ESYT2: variants seen among roughly 807,000 people sequenced by gnomAD.
The protein encoded by ESYT2 is extended synaptotagmin 2, also known as extended synaptotagmin-2.
In ESYT2, 54 loss-of-function variants were observed where a neutral mutation model predicts 107.2. That is an observed-to-expected ratio of 0.50 (90% CI 0.40 to 0.63). ESYT2 has a LOEUF of 0.63. Among genes scored for constraint, ESYT2 ranks in the 30% least tolerant of loss-of-function variants. The pLI is 0.00. For missense variants in ESYT2, 1,020 were observed against 1,094.5 expected (o/e 0.93, Z 0.96); for synonymous variants, 491 against 434.1 (o/e 1.13, Z -1.63).
chr7:158,767,717 A>G lies in ESYT2; in HGVS notation c.861T>C (p.Asn287=). 1 of 1,613,324 alleles carries G rather than the reference A, an allele frequency of 6.2e-7. No homozygotes were observed. The highest frequency in any genetic ancestry group is 8.5e-7 in the Non-Finnish European group (1 of 1,179,570). The change falls in exon 8 of 23, where the codon AAT becomes AAC. Residue 287 remains asparagine (N), a synonymous_variant. Coordinates refer to ENST00000275418, the MANE Select transcript of ESYT2 (RefSeq NM_001367773.1). ...DIISNYLVLP[N]RITVPLVSEV... ...CACTGACAAGTGGAACGGTGATTCG[A>G]TTGGGAAGCACCAGATAGTTTGATA...
intron 1 of ESYT2, among the ~76,000 whole-genome samples, chr7:158,802,715 T>TA (rs1839681708): frequency 6.6e-6 from 1 of 152,248 alleles, no homozygotes; most frequent in South Asian, 2.1e-4. Flanking sequence ...CATTCCTCTT[T>TA]AAAAATTAAT....
intron 6 of ESYT2, among the ~76,000 whole-genome samples, chr7:158,786,900 A>G (rs1839133186): frequency 6.6e-6 from 1 of 152,240 alleles, no homozygotes; most frequent in Non-Finnish European, 1.5e-5. Context: ...AAGAGCTAAC[A>G]ATAACTGTGC....
chr7:158,759,718 C>A (rs1837894842), intron 12 of ESYT2, 137 bp from the exon 13 acceptor site: 6 of 660,646 alleles, frequency 9.1e-6, no homozygotes, highest in Non-Finnish European at 1.5e-5. Context: ...AGAGACAGAA[C>A]TAAAACAATA....
At chr7:158,825,795 C>T (rs1038635562) in intron 1 of ESYT2, among the ~76,000 whole-genome samples, 5 of 152,158 alleles carry the variant, frequency 3.3e-5, no homozygotes, top group African/African-American at 1.2e-4. Context: ...ACAAGTACAG[C>T]CTTTGGGATG....
At chr7:158,813,013 A>G (rs1840034185) in intron 1 of ESYT2, among the ~76,000 whole-genome samples, 1 of 152,222 alleles carries the variant, frequency 6.6e-6, no homozygotes, top group Non-Finnish European at 1.5e-5. Context: ...AGAGGTGATG[A>G]TTACACTACA....
intron 6 of ESYT2, among the ~76,000 whole-genome samples, chr7:158,784,767 A>G (rs1222747661): frequency 6.6e-6 from 1 of 152,174 alleles, no homozygotes; most frequent in East Asian, 1.9e-4. Flanking sequence ...ATAGGATTCA[A>G]TTTCTTCTCA....
At chr7:158,796,121 C>T (rs140892504) in intron 3 of ESYT2, among the ~76,000 whole-genome samples, 1,800 of 152,280 alleles carry the variant, frequency 0.012, 19 homozygotes, top group Non-Finnish European at 0.014. Context: ...CCGCACTGCA[C>T]GGGGATGTCT....
At chr7:158,794,593 C>T (rs1048405820) in intron 3 of ESYT2, among the ~76,000 whole-genome samples, 21 of 152,034 alleles carry the variant, frequency 1.4e-4, no homozygotes, top group African/African-American at 4.8e-4. Flanking sequence ...GAGTTTGAGA[C>T]CAGCCTGAGT....
intron 1 of ESYT2, among the ~76,000 whole-genome samples, chr7:158,809,447 G>C (rs1254130059): frequency 8.9e-6 from 1 of 112,142 alleles, no homozygotes; most frequent in African/African-American, 3.4e-5. Context: ...TTGCACTCCA[G>C]CCTGGCTACA....
At chr7:158,739,459 G>A (rs1381610619) in intron 18 of ESYT2, among the ~76,000 whole-genome samples, 3 of 152,130 alleles carry the variant, frequency 2.0e-5, no homozygotes, top group African/African-American at 7.2e-5. Flanking sequence ...CGATTCTCCT[G>A]CCTCAGCCTC....
At chr7:158,784,644 C>T (rs938144379) in intron 6 of ESYT2, among the ~76,000 whole-genome samples, 2 of 152,208 alleles carry the variant, frequency 1.3e-5, no homozygotes, top group Non-Finnish European at 2.9e-5. Flanking sequence ...CAACTGCAGT[C>T]CCCTGTACAC....
chr7:158,787,094 G>A (rs1839139462), intron 6 of ESYT2, among the ~76,000 whole-genome samples: 1 of 152,132 alleles, frequency 6.6e-6, no homozygotes, highest in African/African-American at 2.4e-5. Flanking sequence ...GAACACGGAG[G>A]GCAGCAAAGG....
chr7:158,735,707 A>C, intron 20 of ESYT2, 99 bp from the exon 21 acceptor site: 8 of 1,037,758 alleles, frequency 7.7e-6, no homozygotes, highest in Non-Finnish European at 1.2e-5. Context: ...TCCAAATGTC[A>C]TGTTTGTTTT....
At position 158,741,982 on chromosome 7, in the gene ESYT2, C is replaced by A. The variant is rs1272168426; in HGVS notation, c.1795-86G>T. ...GAACAGCCTGGGATGTCTTTACCTG[C>A]AAAAATTTCTTTAAAACTTAGCTCA... is the stretch of plus-strand genomic sequence containing the variant. On this transcript the variant is annotated intron_variant, in intron 17 of 22. Transcript: ENST00000275418. 7 of 1,419,756 alleles carry A rather than the reference C, an allele frequency of 4.9e-6. No individual in the cohort carries two copies. The South Asian group carries it at 6.3e-5, about 13-fold the overall frequency. The allele number at this position is 1,419,756 out of a possible 1,614,324, so 87.9% of individuals were successfully genotyped here. A position where few individuals can be genotyped will look rare whatever the true frequency, so the allele number is the denominator to read the frequency against.
At position 158,788,085 on chromosome 7, in the gene ESYT2, A is replaced by G. The variant is rs1190799471; in HGVS notation, c.666T>C (p.Gly222=). ...RAGVKSIQIH[G]TMRVILEPLI... Reference sequence around the variant, plus strand: ...ACGGTTCCAGGATCACCCGCATGGTACCATGAATCTAAACTCAAACAGGAA... The same window carrying G: ...ACGGTTCCAGGATCACCCGCATGGTGCCATGAATCTAAACTCAAACAGGAA... The change falls in exon 6 of 23, where the codon GGT becomes GGC. Residue 222 remains glycine, a synonymous_variant. Coordinates refer to ENST00000275418, the MANE Select transcript of ESYT2 (RefSeq NM_001367773.1). The G allele has an allele frequency of 2.5e-6, 4 of 1,613,888 alleles. No homozygotes were observed. The highest frequency in any genetic ancestry group is 3.4e-6 in the Non-Finnish European group (4 of 1,179,852).
At chr7:158,745,187 G>A (rs568282774) in intron 16 of ESYT2, among the ~76,000 whole-genome samples, 24 of 149,362 alleles carry the variant, frequency 1.6e-4, no homozygotes, top group African/African-American at 4.4e-4. Context: ...TCCTAGGCCC[G>A]GCTGTTCACA....
intron 16 of ESYT2, among the ~76,000 whole-genome samples, chr7:158,746,907 C>T (rs1010263777): frequency 6.6e-6 from 1 of 152,184 alleles, no homozygotes; most frequent in Admixed American, 6.5e-5. Context: ...AAAAAATTAG[C>T]CAGGCATGGT....
chr7:158,754,506 C>T (rs548042490), intron 13 of ESYT2, among the ~76,000 whole-genome samples: 5 of 152,006 alleles, frequency 3.3e-5, no homozygotes, highest in African/African-American at 7.2e-5. Flanking sequence ...CCACTGTGCC[C>T]GGCCTTTTTT....
At chr7:158,753,899 T>C (rs1837665939) in intron 13 of ESYT2, among the ~76,000 whole-genome samples, 1 of 152,146 alleles carries the variant, frequency 6.6e-6, no homozygotes, top group Admixed American at 6.5e-5. Flanking sequence ...TCGGATATCC[T>C]ACAAACCCTT....
Sources: gnomAD v4.1 joint callset for allele counts (sites outside exome capture counted in the v4.1 genomes callset) on GRCh38, gnomAD v4.1.1 for gene constraint, MANE v1.5 for transcripts, NCBI Gene and HGNC (gene_info 2026-07-23, HGNC 2026-07-21) for gene names.